Variants in LRP1B observed in about 807,000 individuals in gnomAD.
LRP1B encodes the protein low-density lipoprotein receptor-related protein 1B.
A neutral mutation model predicts 556.6 loss-of-function variants in LRP1B; 217 were observed. The observed-to-expected ratio is 0.39, with a 90% confidence interval of 0.35 to 0.44. LRP1B has a LOEUF of 0.44. Ranked by LOEUF, LRP1B falls within the 20% of genes least tolerant of loss-of-function variation. The pLI is 1.00. For synonymous variants in LRP1B, 2,047 were observed against 1,865.8 expected (o/e 1.10, Z -2.50); for missense variants, 5,053 against 5,620.8 (o/e 0.90, Z 3.23).
intron 2 of LRP1B, among the ~76,000 whole-genome samples, chr2:141,671,755 T>C (rs1474749624): frequency 1.3e-5 from 2 of 151,864 alleles, no homozygotes; most frequent in Non-Finnish European, 2.9e-5. Flanking sequence ...AGAAAATAGG[T>C]AATCAAAAAA....
intron 1 of LRP1B, among the ~76,000 whole-genome samples, chr2:142,128,429 C>T (rs1307597432): frequency 6.6e-6 from 1 of 152,200 alleles, no homozygotes; most frequent in Non-Finnish European, 1.5e-5. Context: ...AAAGTTACAT[C>T]TCATTAACCT....
chr2:140,730,793 G>C (rs190156902), intron 35 of LRP1B, among the ~76,000 whole-genome samples: 1 of 152,066 alleles, frequency 6.6e-6, no homozygotes, highest in Non-Finnish European at 1.5e-5. Context: ...TCCTGACCTC[G>C]TGATCCGCCT....
At position 141,204,940 on chromosome 2, in the gene LRP1B, T is replaced by TA. The variant is rs1042241516; in HGVS notation, c.851-16358dup. Among the ~76,000 whole-genome samples the TA allele has an allele frequency of 4.3e-3, 647 of 148,966 alleles. 4 individuals are homozygous for TA. The highest frequency in any genetic ancestry group is 0.017 in the Middle Eastern group (5 of 292). ...TGACAGAGCAAGACTCTGTCTCAGATAAAAAAAAAGGAAAAAGAAAAAAAG... is the reference window on the plus strand; with the variant it reads ...TGACAGAGCAAGACTCTGTCTCAGATAAAAAAAAAAGGAAAAAGAAAAAAAG... On this transcript the variant is annotated intron_variant, in intron 6 of 90. Transcript: ENST00000389484.
Position 140,867,678 on chromosome 2 carries a change from C to T in LRP1B, c.4491G>A (p.Lys1497=), listed in dbSNP as rs2105153637. ...TCACACTGACATTCTGCCCTGTCCA[C>T]TTATTGGCTTTGGACAATGTGTTGG... is the stretch of plus-strand genomic sequence containing the variant. ...WRTNTLSKAN[K]WTGQNVSVIQ... is the part of the protein sequence containing the mutation. The change falls in exon 27 of 91, where the codon AAG becomes AAA. Residue 1497 remains lysine (K), a synonymous_variant. Transcript: ENST00000389484. The T allele has an allele frequency of 1.9e-6, 3 of 1,613,610 alleles. No individual in the cohort carries two copies. Among genetic ancestry groups the T allele is most frequent in the Non-Finnish European group, 2.5e-6 (3 of 1,179,672 alleles).
At position 140,541,861 on chromosome 2, in the gene LRP1B, T is replaced by G. The variant is rs749981591; in HGVS notation, c.7305A>C (p.Thr2435=). 6.2e-6 allele frequency: 10 copies of G among 1,613,040 alleles called. No homozygotes were observed. Among genetic ancestry groups the G allele is most frequent in the Non-Finnish European group, 7.6e-6 (9 of 1,179,260 alleles). Residue 2435 remains threonine (T), a synonymous_variant, in exon 44 of 91, where the codon ACA becomes ACC. Coordinates refer to ENST00000389484, the MANE Select transcript of LRP1B (RefSeq NM_018557.3). ...RRAILRSNKY[T]GGDTKILRSD... ...AACGAAGAATTTTTGTATCTCCTCCTGTGTACTTGTTGGACCGCAGTATAG... is the reference window on the plus strand; with the variant it reads ...AACGAAGAATTTTTGTATCTCCTCCGGTGTACTTGTTGGACCGCAGTATAG...
chr2:140,683,940 ACGTGACGCG>A (rs1685956554), intron 41 of LRP1B: 1 of 409,288 alleles, frequency 2.4e-6, no homozygotes, highest in Non-Finnish European at 4.5e-6. Context: ...GTTGTGGGCT[ACGTGACGCG>A]CCTTTACTTT....
intron 41 of LRP1B, among the ~76,000 whole-genome samples, chr2:140,696,114 A>T (rs1162877673): frequency 1.3e-5 from 2 of 152,214 alleles, no homozygotes; most frequent in African/African-American, 4.8e-5. Context: ...GTAACAAGTT[A>T]GAGATATAAC....
At chr2:140,238,372 G>A (rs1429069496) in intron 88 of LRP1B, 76 bp from the exon 89 acceptor site, 1 of 708,366 alleles carries the variant, frequency 1.4e-6, no homozygotes, top group South Asian at 2.7e-5. Context: ...TATATTTATA[G>A]ATTTACTGAC....
At chr2:140,757,315 A>G (rs1688772192) in intron 35 of LRP1B, among the ~76,000 whole-genome samples, 1 of 152,204 alleles carries the variant, frequency 6.6e-6, no homozygotes, top group Admixed American at 6.5e-5. Flanking sequence ...CTCAAGAGCA[A>G]TAAAAACATA....
intron 60 of LRP1B, among the ~76,000 whole-genome samples, chr2:140,469,897 T>C (rs1687694780): frequency 6.6e-6 from 1 of 152,214 alleles, no homozygotes; most frequent in Admixed American, 6.5e-5. Flanking sequence ...TCTTTGAACA[T>C]ATTCCCTTGC....
At chr2:140,434,569 A>G (rs1686092556) in intron 66 of LRP1B, among the ~76,000 whole-genome samples, 1 of 152,310 alleles carries the variant, frequency 6.6e-6, no homozygotes, top group African/African-American at 2.4e-5. Context: ...CAGTTATTTT[A>G]AAACTAAATT....
chr2:141,477,004 T>C (rs2105082030), intron 3 of LRP1B, among the ~76,000 whole-genome samples: 1 of 152,128 alleles, frequency 6.6e-6, no homozygotes, highest in Non-Finnish European at 1.5e-5. Context: ...ATGCCTGTAA[T>C]CCCAGCTACT....
At chr2:141,154,597 T>G (rs907885907) in intron 7 of LRP1B, among the ~76,000 whole-genome samples, 5 of 152,008 alleles carry the variant, frequency 3.3e-5, no homozygotes, top group African/African-American at 1.2e-4. Flanking sequence ...CTGCTTATTA[T>G]ATACCTTTAA....
intron 1 of LRP1B, among the ~76,000 whole-genome samples, chr2:141,964,701 C>G (rs1302298050): frequency 6.7e-6 from 1 of 150,232 alleles, no homozygotes; most frequent in Non-Finnish European, 1.5e-5. Flanking sequence ...ACTTCATGTC[C>G]AAAACACCAA....
At chr2:140,320,992 G>T (rs1680086420) in intron 82 of LRP1B, among the ~76,000 whole-genome samples, 1 of 152,064 alleles carries the variant, frequency 6.6e-6, no homozygotes, top group Non-Finnish European at 1.5e-5. Context: ...GGAGGTAGAG[G>T]TTGCAGTGAG....
At chr2:142,007,936 C>T (rs148203066) in intron 1 of LRP1B, among the ~76,000 whole-genome samples, 13 of 152,222 alleles carry the variant, frequency 8.5e-5, no homozygotes, top group African/African-American at 1.2e-4. Context: ...GAGAGTTAAA[C>T]GGTATTTGTA....
chr2:141,519,957 G>A (rs1442801665), intron 2 of LRP1B, among the ~76,000 whole-genome samples: 1 of 152,072 alleles, frequency 6.6e-6, no homozygotes, highest in Non-Finnish European at 1.5e-5. Flanking sequence ...AATAGGGGAA[G>A]AATAAGTAAA....
chr2:140,777,399 T>C (rs1689536434), intron 32 of LRP1B, among the ~76,000 whole-genome samples: 1 of 152,186 alleles, frequency 6.6e-6, no homozygotes, highest in Admixed American at 6.5e-5. Context: ...ACAGTTCTCT[T>C]CATTCTAGCA....
At chr2:141,328,120 A>G (rs1687496851) in intron 3 of LRP1B, among the ~76,000 whole-genome samples, 1 of 152,206 alleles carries the variant, frequency 6.6e-6, no homozygotes, top group Admixed American at 6.5e-5. Flanking sequence ...TCTATATACT[A>G]GGTCCATCTA....
Sources: gnomAD v4.1 joint callset for allele counts (sites outside exome capture counted in the v4.1 genomes callset) on GRCh38, gnomAD v4.1.1 for gene constraint, MANE v1.5 for transcripts, NCBI Gene and HGNC (gene_info 2026-07-23, HGNC 2026-07-21) for gene names.